NEDD4: variants seen among roughly 807,000 people sequenced by gnomAD.
NEDD4 encodes the protein E3 ubiquitin-protein ligase NEDD4.
Under a neutral mutation model 144.9 loss-of-function variants are expected in NEDD4, and 99 were observed. That is an observed-to-expected ratio of 0.68 (90% CI 0.58 to 0.81). The LOEUF (loss-of-function observed/expected upper bound fraction) is 0.81, where lower values mean the gene tolerates loss of function less well. Among genes scored for constraint, NEDD4 ranks in the 30% least tolerant of loss-of-function variants. The pLI, the probability that NEDD4 is intolerant of heterozygous loss-of-function variation, is 0.00. For missense variants in NEDD4, 985 were observed against 1,065.9 expected (o/e 0.92, Z 1.06); for synonymous variants, 318 against 350.6 (o/e 0.91, Z 1.04).
intron 21 of NEDD4, among the ~76,000 whole-genome samples, chr15:55,839,059 C>T (rs1193359547): frequency 2.0e-5 from 3 of 149,726 alleles, no homozygotes; most frequent in East Asian, 2.0e-4. Flanking sequence ...GACAGGGTCT[C>T]GCTCTGTCCC....
At chr15:55,950,302 C>T (rs1025738855) in intron 4 of NEDD4, among the ~76,000 whole-genome samples, 21 of 152,286 alleles carry the variant, frequency 1.4e-4, no homozygotes, top group African/African-American at 4.8e-4. Flanking sequence ...AAAACAGAAG[C>T]AACTTAATTG....
chr15:55,916,461 C>T (rs748268494), intron 5 of NEDD4: 3 of 1,614,080 alleles, frequency 1.9e-6, no homozygotes, highest in Non-Finnish European at 1.7e-6. Context: ...CACAGCACTA[C>T]TGTAAATACC....
intron 1 of NEDD4, among the ~76,000 whole-genome samples, chr15:55,971,805 A>T (rs965561406): frequency 6.6e-6 from 1 of 152,158 alleles, no homozygotes; most frequent in Non-Finnish European, 1.5e-5. Context: ...CTACCTTAAG[A>T]CATTTAGTAA....
At chr15:55,863,316 C>CA (rs1223757781) in intron 8 of NEDD4, among the ~76,000 whole-genome samples, 2 of 151,326 alleles carry the variant, frequency 1.3e-5, no homozygotes, top group Non-Finnish European at 3.0e-5. Context: ...AAAAATTTTT[C>CA]AAAAAAAACT....
chr15:55,833,092 T>C lies in NEDD4; in HGVS notation c.2443A>G (p.Met815Val). Residue 815 changes from methionine (M) to valine (V), a missense_variant, in exon 27 of 29, where the codon ATG becomes GTG. Met to Val is a conservative substitution (Grantham distance 21). Transcript: ENST00000435532. ...AATCTTATTCTTTTTTCTGAATCCA[T>C]CATTAAAACAGCCTGAATAAGATAA... Reference protein sequence around the residue: ...IQWFWKAVLMMDSEKRIRLLQ... With the variant: ...IQWFWKAVLMVDSEKRIRLLQ... 6.2e-7 allele frequency: 1 copy of C among 1,610,646 alleles called. No individual in the cohort carries two copies. The highest frequency in any genetic ancestry group is 8.5e-7 in the Non-Finnish European group (1 of 1,177,772).
intron 1 of NEDD4, among the ~76,000 whole-genome samples, chr15:55,989,472 T>C (rs2140457629): frequency 6.6e-6 from 1 of 152,294 alleles, no homozygotes; most frequent in African/African-American, 2.4e-5. Context: ...GGGAAGTTTG[T>C]TCCCAGACTG....
intron 5 of NEDD4, among the ~76,000 whole-genome samples, chr15:55,923,659 A>AAAAAAAATATAT (rs546642962): frequency 1.5e-5 from 2 of 135,266 alleles, no homozygotes; most frequent in African/African-American, 5.6e-5. Flanking sequence ...AAAAAAAAAA[A>AAAAAAAATATAT]ATATATATAT....
At chr15:55,872,692 G>C (rs996176398) in intron 6 of NEDD4, among the ~76,000 whole-genome samples, 4 of 152,212 alleles carry the variant, frequency 2.6e-5, no homozygotes, top group African/African-American at 4.8e-5. Flanking sequence ...AACTAGCTGA[G>C]CAGGTGGGTT....
intron 5 of NEDD4, among the ~76,000 whole-genome samples, chr15:55,920,129 T>C (rs2036542343): frequency 6.6e-6 from 1 of 152,100 alleles, no homozygotes; most frequent in African/African-American, 2.4e-5. Flanking sequence ...AGTTCTCAGC[T>C]TCCTGGCCTG....
At position 55,914,200 on chromosome 15, in the gene NEDD4, G is replaced by GTT. The variant is rs71110354; in HGVS notation, c.291+10444_291+10445dup. On this transcript the variant is annotated intron_variant, in intron 5 of 28. Coordinates refer to ENST00000435532, the MANE Select transcript of NEDD4 (RefSeq NM_006154.4). ...TTCACCTAAAGTTACTTATCCAGAA[G>GTT]TTTTTTTTTTTAAAACAATCTTTAA... Among the ~76,000 whole-genome samples the GTT allele has an allele frequency of 2.0e-3, 290 of 148,184 alleles. 1 individual carries two copies. Among genetic ancestry groups the GTT allele is most frequent in the African/African-American group, 5.7e-3 (230 of 40,560 alleles).
At chr15:55,964,048 C>T (rs1353569586) in intron 2 of NEDD4, among the ~76,000 whole-genome samples, 2 of 152,070 alleles carry the variant, frequency 1.3e-5, no homozygotes, top group Non-Finnish European at 2.9e-5. Context: ...TCTCTTTATA[C>T]TTGGCTTTCA....
intron 1 of NEDD4, among the ~76,000 whole-genome samples, chr15:55,984,250 A>G (rs1343395624): frequency 2.6e-5 from 4 of 152,186 alleles, no homozygotes; most frequent in African/African-American, 9.7e-5. Context: ...CTCTTCTGTT[A>G]AATTATTTTA....
At chr15:55,966,639 G>A in intron 1 of NEDD4, 93 bp from the exon 2 acceptor site, 25 of 513,068 alleles carry the variant, frequency 4.9e-5, no homozygotes, top group South Asian at 2.5e-4. Context: ...AAAGTAATTA[G>A]GATATTAAAA....
intron 6 of NEDD4, among the ~76,000 whole-genome samples, chr15:55,872,818 G>C (rs1406944159): frequency 6.6e-6 from 1 of 151,618 alleles, no homozygotes; most frequent in East Asian, 1.9e-4. Flanking sequence ...GGCTTGGTTA[G>C]AGCATAGAGA....
chr15:55,843,577 C>T (rs1214707784), intron 18 of NEDD4, among the ~76,000 whole-genome samples: 1 of 152,062 alleles, frequency 6.6e-6, no homozygotes, highest in African/African-American at 2.4e-5. Flanking sequence ...TAAGAGAAAA[C>T]ATGCCATCAA....
intron 11 of NEDD4, among the ~76,000 whole-genome samples, chr15:55,858,898 G>C (rs1384200101): frequency 1.5e-4 from 23 of 152,202 alleles, no homozygotes. Context: ...TGAAAGCAGA[G>C]ATGGGCAATA....
In NEDD4 at chr15:55,931,888, T is replaced by C. The variant is rs550994575; in HGVS notation, c.238-7189A>G. On this transcript the variant is annotated intron_variant, in intron 4 of 28. Transcript: ENST00000435532. The stretch of plus-strand genomic sequence containing the variant: ...TTTACCATTACAAAATGAAACCTTA[T>C]GTCTTTTAACAGACACTCCCCATTT... 9.2e-5 allele frequency among the ~76,000 whole-genome samples: 14 copies of C among 152,354 alleles called. No individual in the cohort carries two copies. In the South Asian group the frequency reaches 2.7e-3, roughly 29 times the overall value.
chr15:55,839,717 C>T (rs2033378423), intron 21 of NEDD4, among the ~76,000 whole-genome samples: 1 of 151,712 alleles, frequency 6.6e-6, no homozygotes, highest in Admixed American at 6.6e-5. Context: ...GTGGCTCATG[C>T]CTGTAATCCC....
chr15:55,983,490 T>C (rs1307000003), intron 1 of NEDD4, among the ~76,000 whole-genome samples: 1 of 148,950 alleles, frequency 6.7e-6, no homozygotes, highest in South Asian at 2.2e-4. Context: ...GTGGTTCTAT[T>C]TACTCAATGG....
Sources: allele counts gnomAD v4.1 joint callset (sites outside exome capture counted in the v4.1 genomes callset), GRCh38; gene constraint gnomAD v4.1.1; transcripts MANE v1.5; gene names NCBI Gene and HGNC (gene_info 2026-07-23, HGNC 2026-07-21).